Variants in INTS3 observed in about 807,000 individuals in gnomAD.
INTS3 encodes SOSS complex subunit A.
A neutral mutation model predicts 146.3 loss-of-function variants in INTS3; 34 were observed. The observed-to-expected ratio is 0.23, with a 90% confidence interval of 0.18 to 0.31. INTS3 has a LOEUF of 0.31. Ranked by LOEUF, INTS3 falls within the 10% of genes least tolerant of loss-of-function variation. The pLI is 1.00. For missense variants in INTS3, 757 were observed against 1,304.2 expected, an observed-to-expected ratio of 0.58 and a Z score of 6.46; for synonymous variants, 475 against 494.9, an observed-to-expected ratio of 0.96 and a Z score of 0.53.
intron 1 of INTS3, among the ~76,000 whole-genome samples, chr1:153,735,635 A>G (rs1332398688): frequency 6.6e-6 from 1 of 152,302 alleles, no homozygotes; most frequent in Non-Finnish European, 1.5e-5. Flanking sequence ...GGCTGTGTAC[A>G]GGGCTTCCCC....
At chr1:153,762,961 TTGTTCACAG>T in intron 15 of INTS3, 114 bp downstream of exon 15, 1 of 1,385,054 alleles carries the variant, frequency 7.2e-7, no homozygotes, top group Non-Finnish European at 9.9e-7. Flanking sequence ...AGTTAAAGTT[TTGTTCACAG>T]GGTATCTGGA....
intron 20 of INTS3, among the ~76,000 whole-genome samples, chr1:153,765,410 C>CA (rs1040851607): frequency 6.6e-6 from 1 of 151,996 alleles, no homozygotes; most frequent in Non-Finnish European, 1.5e-5. Context: ...AGGATGGTCT[C>CA]AAACTCCTGG....
chr1:153,748,576 G>C, intron 5 of INTS3, 113 bp from the exon 6 acceptor site: 2 of 837,208 alleles, frequency 2.4e-6, no homozygotes, highest in Non-Finnish European at 4.2e-6. Flanking sequence ...GCAGTGAAGG[G>C]ATGGCAGTAA....
intron 23 of INTS3, 63 bp from the exon 24 acceptor site, chr1:153,770,135 G>A: frequency 2.8e-6 from 1 of 359,644 alleles, no homozygotes; most frequent in Non-Finnish European, 4.6e-6. Flanking sequence ...GGTGGGGGGG[G>A]TGTGTGTGTG....
intron 15 of INTS3, 116 bp from the exon 16 acceptor site, chr1:153,763,110 CACAGCAT>C: frequency 1.0e-5 from 13 of 1,288,842 alleles, no homozygotes; most frequent in Non-Finnish European, 1.4e-5. Context: ...CAGGCACTCA[CACAGCAT>C]TGAGGAAACA....
At chr1:153,737,566 T>C (rs1029056337) in intron 1 of INTS3, among the ~76,000 whole-genome samples, 2 of 151,980 alleles carry the variant, frequency 1.3e-5, no homozygotes, top group African/African-American at 2.4e-5. Flanking sequence ...AGGTGCAATC[T>C]TGGCTCACTG....
Position 153,754,688 on chromosome 1 carries a change from A to G in INTS3, c.906A>G (p.Ala302=), listed in dbSNP as rs761063549. The G allele has an allele frequency of 5.6e-6, 9 of 1,613,762 alleles. No individual in the cohort carries two copies. Among genetic ancestry groups the G allele is most frequent in the Non-Finnish European group, 6.8e-6 (8 of 1,179,658 alleles). ...CAAGAACATCCCGAAAATTCCTAGC[A>G]TGTCGTCTAACCCCGGACATGGAGA... ...LQSRTSRKFL[A]CRLTPDMETK... Residue 302 remains alanine (A), a synonymous_variant, in exon 9 of 30, where the codon GCA becomes GCG. Coordinates refer to ENST00000318967, the MANE Select transcript of INTS3 (RefSeq NM_023015.5).
chr1:153,751,047 GAAT>G (rs1313545117), intron 6 of INTS3, 45 bp from the exon 7 acceptor site: 1 of 1,576,042 alleles, frequency 6.3e-7, no homozygotes, highest in African/African-American at 1.4e-5. Context: ...TTGGGAGGGT[GAAT>G]AGTTCTAGAC....
chr1:153,773,367 C>T lies in INTS3; in HGVS notation c.*97C>T. On this transcript the variant is annotated 3_prime_UTR_variant, in exon 30 of 30. Coordinates refer to ENST00000318967, the MANE Select transcript of INTS3 (RefSeq NM_023015.5). ...GCTGAGGAGATTGCAGGGGAAACACCCTTGCTGCATCCCCAAGCTCCCCCG... is the reference window on the plus strand; with the variant it reads ...GCTGAGGAGATTGCAGGGGAAACACTCTTGCTGCATCCCCAAGCTCCCCCG... 8.6e-7 allele frequency: 1 copy of T among 1,169,360 alleles called. No individual in the cohort carries two copies. Among genetic ancestry groups the T allele is most frequent in the Non-Finnish European group, 1.3e-6 (1 of 782,878 alleles). The allele number at this position is 1,169,360 out of a possible 1,614,324, so 72.4% of individuals were successfully genotyped here.
Position 153,728,674 on chromosome 1 carries a change from G to A in INTS3, c.40G>A (p.Ala14Thr). 1 of 1,605,942 alleles carries A rather than the reference G, an allele frequency of 6.2e-7. No individual in the cohort carries two copies. The highest frequency in any genetic ancestry group is 8.5e-7 in the Non-Finnish European group (1 of 1,177,464). ...GGGAAAAGGGGCGGCAGCAGCAGCA[G>A]CTGCTTCGGGAGCAGCGGGAGGTGG... ...QKGKGAAAAA[A>T]ASGAAGGGGG... The change falls in exon 1 of 30, where the codon GCT becomes ACT. Residue 14 changes from alanine (A) to threonine (T), a missense_variant. Ala to Thr is a moderately conservative substitution (Grantham distance 58). Transcript: ENST00000318967.
Position 153,754,728 on chromosome 1 carries a change from A to G in INTS3, c.946A>G (p.Met316Val). The G allele has an allele frequency of 6.2e-7, 1 of 1,606,866 alleles. No individual in the cohort carries two copies. The highest frequency in any genetic ancestry group is 8.5e-7 in the Non-Finnish European group (1 of 1,173,354). Residue 316 changes from methionine to valine, a missense_variant, in exon 9 of 30, where the codon ATG (methionine) becomes GTG (valine). Met to Val is a conservative substitution (Grantham distance 21). Transcript: ENST00000318967. Reference sequence around the variant, plus strand: ...GGACATGGAGACTAAACTCCTCTTCATGACATCCCGGGTAAGCTAAGGTGT... The same window carrying G: ...GGACATGGAGACTAAACTCCTCTTCGTGACATCCCGGGTAAGCTAAGGTGT... ...TPDMETKLLF[M>V]TSRVRFGQQK...
chr1:153,773,130 TG>T (rs762460977), intron 29 of INTS3, 49 bp downstream of exon 29: 2 of 1,613,686 alleles, frequency 1.2e-6, no homozygotes, highest in Non-Finnish European at 1.7e-6. Flanking sequence ...TGGGTGCAGG[TG>T]GAGTCGGCGC....
At chr1:153,771,996 A>G (rs371591913) in intron 26 of INTS3, 33 bp downstream of exon 26, 333 of 1,557,216 alleles carry the variant, frequency 2.1e-4, no homozygotes, top group Admixed American at 1.2e-3. Context: ...CCTCCAGGCC[A>G]TGGCGGTCTG....
At chr1:153,747,396 G>C (rs754940392) in intron 5 of INTS3, 33 bp downstream of exon 5, 11 of 1,513,532 alleles carry the variant, frequency 7.3e-6, no homozygotes, top group Middle Eastern at 1.7e-4. Context: ...AAAGAAGAAA[G>C]GAGGAGAGCC....
At position 153,773,990 on chromosome 1, in the gene INTS3, TTTTTTTTGTTTTTTTTTG is replaced by T. The variant is rs1673027509; in HGVS notation, c.*728_*745del. The T allele has an allele frequency of 3.6e-5, 6 of 165,944 alleles. No homozygotes were observed. Among genetic ancestry groups the T allele is most frequent in the African/African-American group, 1.5e-4 (6 of 40,908 alleles). 10.3% of individuals were successfully genotyped at this position (165,944 alleles called of 1,614,324 possible). On this transcript the variant is annotated 3_prime_UTR_variant, in exon 30 of 30. Transcript: ENST00000318967. ...TGATCCCATTTCCTTGAGTCTGTTT[TTTTTTTTGTTTTTTTTTG>T]TTTTTTTTTTGGCAGAGATAATCGT...
intron 5 of INTS3, 179 bp downstream of exon 5, chr1:153,747,542 T>C: frequency 3.2e-6 from 2 of 620,268 alleles, no homozygotes; most frequent in East Asian, 2.7e-5. Flanking sequence ...TGAAAAATCA[T>C]GGGGGGCCTT....
At chr1:153,747,406 C>T (rs1385593882) in intron 5 of INTS3, 43 bp downstream of exon 5, 13 of 1,401,212 alleles carry the variant, frequency 9.3e-6, no homozygotes, top group Non-Finnish European at 1.2e-5. Context: ...GGAGGAGAGC[C>T]CAGAGACTAC....
chr1:153,744,298 G>C (rs1172809463), intron 3 of INTS3, among the ~76,000 whole-genome samples: 3 of 152,148 alleles, frequency 2.0e-5, no homozygotes, highest in African/African-American at 7.2e-5. Context: ...TCCCTGTCCT[G>C]AGTCTGTTCT....
In INTS3 at chr1:153,770,662, C is replaced by T. The variant is rs778170852; in HGVS notation, c.2504-23C>T. The stretch of plus-strand genomic sequence containing the variant: ...CCTGGAATCATACCTTCCCCCTGAA[C>T]AGCCTCTGCCCTTCCCTCACAGAGC... On this transcript the variant is annotated intron_variant, in intron 24 of 29. Coordinates refer to ENST00000318967, the MANE Select transcript of INTS3 (RefSeq NM_023015.5). 5 of 1,607,668 alleles carry T rather than the reference C, an allele frequency of 3.1e-6. 1 individual carries two copies. In the Admixed American group the frequency reaches 5.0e-5, roughly 16 times the overall value.
Sources: allele counts gnomAD v4.1 joint callset (sites outside exome capture counted in the v4.1 genomes callset), GRCh38; gene constraint gnomAD v4.1.1; transcripts MANE v1.5; gene names NCBI Gene and HGNC (gene_info 2026-07-23, HGNC 2026-07-21).